The following ARL14EPL variants were observed in gnomAD, a reference collection of about 807,000 sequenced individuals.
ARL14EPL encodes ARF like GTPase 14 effector protein like.
In ARL14EPL, 17 loss-of-function variants were observed where a neutral mutation model predicts 15.9. The observed-to-expected ratio is 1.07, with a 90% confidence interval of 0.73 to 1.60. ARL14EPL has a LOEUF of 1.60. Ranked by LOEUF, ARL14EPL falls within the 40% of genes most tolerant of loss-of-function variation. The pLI is 0.00. For synonymous variants in ARL14EPL, 78 were observed against 63.8 expected (o/e 1.22, Z -1.06); for missense variants, 214 against 185.9 (o/e 1.15, Z -0.88).
intron 2 of ARL14EPL, chr5:116,052,217 T>C: frequency 6.2e-7 from 1 of 1,606,360 alleles, no homozygotes; most frequent in Non-Finnish European, 8.5e-7. Flanking sequence ...CCCGGATTTG[T>C]TCACTGGGTC....
In ARL14EPL at chr5:116,054,086, G is replaced by A. The variant is rs1247975606; in HGVS notation, c.169G>A (p.Glu57Lys). The A allele has an allele frequency of 6.5e-7, 1 of 1,535,734 alleles. No homozygotes were observed. Among genetic ancestry groups the A allele is most frequent in the East Asian group, 2.4e-5 (1 of 40,880 alleles). ...PGPQVADFNP[E>K]TRQQKKKARM... ...ACCACAGGTAGCAGACTTTAATCCT[G>A]AAACAAGGCAGCAGAAAAAGAAAGC... The change falls in exon 3 of 4, where the codon GAA becomes AAA. Residue 57 changes from glutamate to lysine, a missense_variant. Physicochemically the swap from Glu to Lys is moderately conservative, Grantham distance 56 (BLOSUM62 1). Transcript: ENST00000686077.
intron 2 of ARL14EPL, among the ~76,000 whole-genome samples, chr5:116,052,653 T>C (rs1333564367): frequency 6.7e-6 from 1 of 149,780 alleles, no homozygotes; most frequent in Non-Finnish European, 1.5e-5. Flanking sequence ...CCATATCTAA[T>C]GCAGAACAGT....
At chr5:116,045,336 G>A (rs1029373233) in intron 1 of ARL14EPL, among the ~76,000 whole-genome samples, 10 of 152,168 alleles carry the variant, frequency 6.6e-5, no homozygotes, top group African/African-American at 2.4e-4. Flanking sequence ...GGAAAATGCT[G>A]AATATATTTA....
chr5:116,051,275 G>C, intron 1 of ARL14EPL, 182 bp from the exon 2 acceptor site: 1 of 508,232 alleles, frequency 2.0e-6, no homozygotes, highest in Non-Finnish European at 3.4e-6. Context: ...CCTCAGTAGG[G>C]TGGTCTGGGG....
chr5:116,045,767 T>A (rs1394289396), intron 1 of ARL14EPL, among the ~76,000 whole-genome samples: 1 of 103,346 alleles, frequency 9.7e-6, no homozygotes, highest in Non-Finnish European at 2.4e-5. Context: ...TGTGTGTGTG[T>A]GTGTGTGTGT....
At chr5:116,044,098 C>T (rs1338757900) in intron 1 of ARL14EPL, among the ~76,000 whole-genome samples, 1 of 152,130 alleles carries the variant, frequency 6.6e-6, no homozygotes, top group Non-Finnish European at 1.5e-5. Context: ...AATACATAAA[C>T]ATTCAGGTCA....
chr5:116,051,604 C>A (rs1183315550), intron 2 of ARL14EPL, 43 bp downstream of exon 2: 2 of 1,451,218 alleles, frequency 1.4e-6, no homozygotes, highest in Admixed American at 2.0e-5. Context: ...CTGGGGAGTG[C>A]CCCCTCGAGG....
At chr5:116,054,354 T>C (rs1749465727) in intron 3 of ARL14EPL, among the ~76,000 whole-genome samples, 1 of 152,228 alleles carries the variant, frequency 6.6e-6, no homozygotes, top group Non-Finnish European at 1.5e-5. Context: ...TAGGAATCGA[T>C]TTTTTAAAAA....
At chr5:116,052,317 A>T (rs1463257851) in intron 2 of ARL14EPL, 2 of 1,058,640 alleles carry the variant, frequency 1.9e-6, no homozygotes, top group Non-Finnish European at 3.0e-6. Flanking sequence ...CAGACACCGC[A>T]GCCTTGCAAA....
chr5:116,051,648 G>T, intron 2 of ARL14EPL, 87 bp downstream of exon 2: 2 of 1,175,098 alleles, frequency 1.7e-6, no homozygotes, highest in East Asian at 2.6e-5. Flanking sequence ...GGGTGGGAAG[G>T]TGGGCCCAGG....
chr5:116,056,966 C>A (rs1240064857), intron 3 of ARL14EPL, among the ~76,000 whole-genome samples: 5 of 152,076 alleles, frequency 3.3e-5, no homozygotes, highest in African/African-American at 4.8e-5. Context: ...GGCAGAGACA[C>A]AACAAAAAGA....
chr5:116,038,482 G>A (rs919905130), intron 1 of ARL14EPL, among the ~76,000 whole-genome samples: 5 of 152,160 alleles, frequency 3.3e-5, no homozygotes, highest in African/African-American at 1.2e-4. Context: ...ATGGAAGGAT[G>A]CGGTGACAAC....
chr5:116,050,493 A>T (rs1207741624), intron 1 of ARL14EPL, among the ~76,000 whole-genome samples: 1 of 152,224 alleles, frequency 6.6e-6, no homozygotes, highest in Admixed American at 6.5e-5. Context: ...AATGTAAATT[A>T]GTCCAGCCAC....
chr5:116,058,682 G>A, intron 3 of ARL14EPL, 43 bp from the exon 4 acceptor site: 1 of 1,501,460 alleles, frequency 6.7e-7, no homozygotes. Flanking sequence ...CAATGTTGAG[G>A]ATGATTGCAC....
intron 1 of ARL14EPL, among the ~76,000 whole-genome samples, chr5:116,050,607 C>G (rs1186891968): frequency 6.6e-6 from 1 of 152,134 alleles, no homozygotes; most frequent in East Asian, 1.9e-4. Flanking sequence ...TAACGCCTAA[C>G]TCTTAAGTTA....
chr5:116,040,978 T>C (rs866288110), intron 1 of ARL14EPL, among the ~76,000 whole-genome samples: 1 of 6,508 alleles, frequency 1.5e-4, no homozygotes, highest in Non-Finnish European at 3.8e-4. Flanking sequence ...AGATTCCCTC[T>C]CAAAAAAAAA....
intron 1 of ARL14EPL, among the ~76,000 whole-genome samples, chr5:116,048,031 T>C (rs1318846295): frequency 1.3e-5 from 2 of 152,206 alleles, no homozygotes; most frequent in African/African-American, 4.8e-5. Context: ...AATGAAGCGG[T>C]TGATTTCTAT....
At chr5:116,056,293 A>G (rs1393146648) in intron 3 of ARL14EPL, among the ~76,000 whole-genome samples, 2 of 152,092 alleles carry the variant, frequency 1.3e-5, no homozygotes, top group African/African-American at 2.4e-5. Context: ...GTTTCTCCAC[A>G]TCCTCTCCAG....
chr5:116,033,814 A>G (rs1470688431), intron 1 of ARL14EPL, among the ~76,000 whole-genome samples: 2 of 152,214 alleles, frequency 1.3e-5, no homozygotes, highest in Non-Finnish European at 2.9e-5. Flanking sequence ...CGTGAAAAAA[A>G]GGCTGTGTGT....
Sources: gnomAD v4.1 joint callset for allele counts (sites outside exome capture counted in the v4.1 genomes callset) on GRCh38, gnomAD v4.1.1 for gene constraint, MANE v1.5 for transcripts, NCBI Gene and HGNC (gene_info 2026-07-23, HGNC 2026-07-21) for gene names.